Variants in CLASP2 observed in about 807,000 individuals in gnomAD.
CLASP2 encodes cytoplasmic linker associated protein 2.
In CLASP2, 47 loss-of-function variants were observed where a neutral mutation model predicts 194.4. The observed-to-expected ratio is 0.24, with a 90% CI of 0.19 to 0.31. The LOEUF is 0.31. CLASP2 is among the 10% of genes least tolerant of loss of function. The pLI is 1.00. For synonymous variants in CLASP2, 619 were observed against 633.5 expected (o/e 0.98, Z 0.34); for missense variants, 1,445 against 1,823.6 (o/e 0.79, Z 3.78).
At chr3:33,624,271 T>C (rs2077605779) in intron 10 of CLASP2, among the ~76,000 whole-genome samples, 1 of 151,982 alleles carries the variant, frequency 6.6e-6, no homozygotes, top group Non-Finnish European at 1.5e-5. Flanking sequence ...TGCATAAAGA[T>C]GTAAATGTAA....
intron 18 of CLASP2, among the ~76,000 whole-genome samples, chr3:33,600,687 A>G (rs2071840409): frequency 1.3e-5 from 2 of 152,202 alleles, no homozygotes; most frequent in Non-Finnish European, 2.9e-5. Context: ...ATTACTACAT[A>G]CTATTTGGTA....
chr3:33,678,315 C>T (rs2154341810), intron 6 of CLASP2, among the ~76,000 whole-genome samples: 1 of 152,124 alleles, frequency 6.6e-6, no homozygotes. Context: ...TACACTTACA[C>T]ATATCATATT....
chr3:33,643,237 ATAT>A (rs1222604785), intron 8 of CLASP2, among the ~76,000 whole-genome samples: 19 of 152,054 alleles, frequency 1.2e-4, no homozygotes, highest in African/African-American at 4.6e-4. Flanking sequence ...AAAATGTTAT[ATAT>A]TATCACCACA....
chr3:33,537,902 GA>G (rs1270053821), intron 33 of CLASP2, among the ~76,000 whole-genome samples: 1 of 152,150 alleles, frequency 6.6e-6, no homozygotes, highest in Non-Finnish European at 1.5e-5. Flanking sequence ...AGCACTTTGG[GA>G]GGCCGAGGTG....
At chr3:33,602,159 A>G (rs1204359596) in intron 18 of CLASP2, among the ~76,000 whole-genome samples, 1 of 151,958 alleles carries the variant, frequency 6.6e-6, no homozygotes, top group East Asian at 1.9e-4. Context: ...GATTACAGGC[A>G]TGAGCCACCA....
chr3:33,672,158 C>G (rs887878334), intron 6 of CLASP2, among the ~76,000 whole-genome samples: 1 of 152,192 alleles, frequency 6.6e-6, no homozygotes, highest in Non-Finnish European at 1.5e-5. Flanking sequence ...GGTCCCTGAC[C>G]CCTGACCCAT....
chr3:33,701,934 A>T (rs1221546788), intron 1 of CLASP2, among the ~76,000 whole-genome samples: 1 of 152,184 alleles, frequency 6.6e-6, no homozygotes, highest in Non-Finnish European at 1.5e-5. Context: ...ACATGAAAAG[A>T]AACATAAAAG....
At chr3:33,507,992 A>AAT (rs1235546373) in intron 37 of CLASP2, among the ~76,000 whole-genome samples, 30 of 149,550 alleles carry the variant, frequency 2.0e-4, no homozygotes, top group South Asian at 6.3e-4. Context: ...GTATATATAT[A>AAT]ATATATATAT....
intron 1 of CLASP2, among the ~76,000 whole-genome samples, chr3:33,714,275 A>T (rs1330412233): frequency 6.6e-6 from 1 of 152,248 alleles, no homozygotes; most frequent in East Asian, 1.9e-4. Context: ...GACTGTTCTT[A>T]GTAAAAGTCA....
intron 30 of CLASP2, among the ~76,000 whole-genome samples, chr3:33,549,118 T>C (rs2059610215): frequency 3.9e-5 from 6 of 152,126 alleles, no homozygotes; most frequent in Admixed American, 3.9e-4. Flanking sequence ...AATTTGAATG[T>C]TTTCTCTTTT....
At chr3:33,663,624 C>A (rs12629079) in intron 6 of CLASP2, 109 bp from the exon 7 acceptor site, 1 of 710,058 alleles carries the variant, frequency 1.4e-6, no homozygotes, top group Non-Finnish European at 2.4e-6. Context: ...AGGGATTCAG[C>A]TAGTTTTCTA....
chr3:33,618,851 G>C (rs1039224303), intron 12 of CLASP2, among the ~76,000 whole-genome samples: 5 of 152,116 alleles, frequency 3.3e-5, no homozygotes, highest in Non-Finnish European at 7.4e-5. Flanking sequence ...TGTTCTTTCA[G>C]ACTTCCTCAA....
In CLASP2 at chr3:33,684,398, A is replaced by T. The variant is rs1351565596; in HGVS notation, c.605T>A (p.Val202Glu). ...VEIYRHVGEK[V>E]RMDLYKRGIP... The stretch of plus-strand genomic sequence containing the variant: ...TCCTCTCTTATAAAGATCCATCCTC[A>T]CTTTTTCTCCCACATGTCTATAAAT... The change falls in exon 6 of 39, where the codon GTG becomes GAG. Residue 202 changes from valine (V) to glutamate (E), a missense_variant. Val to Glu is a moderately radical substitution (Grantham distance 121). Transcript: ENST00000682230. The T allele has an allele frequency of 2.3e-5, 37 of 1,605,942 alleles. No homozygotes were observed. Among genetic ancestry groups the T allele is most frequent in the Non-Finnish European group, 2.7e-5 (32 of 1,175,822 alleles).
At chr3:33,644,593 T>C (rs1471646196) in intron 8 of CLASP2, 164 bp downstream of exon 8, 4 of 726,708 alleles carry the variant, frequency 5.5e-6, no homozygotes, top group Non-Finnish European at 9.6e-6. Flanking sequence ...CAATATTTTA[T>C]ACATTTCAAA....
intron 6 of CLASP2, among the ~76,000 whole-genome samples, chr3:33,665,348 CA>C (rs1314476429): frequency 1.3e-5 from 2 of 150,754 alleles, no homozygotes; most frequent in Non-Finnish European, 3.0e-5. Flanking sequence ...AAATAGTAGG[CA>C]AATATAATAC....
At chr3:33,519,500 G>A (rs2052364082) in intron 34 of CLASP2, among the ~76,000 whole-genome samples, 1 of 152,060 alleles carries the variant, frequency 6.6e-6, no homozygotes, top group Non-Finnish European at 1.5e-5. Context: ...AAAAAAGGAG[G>A]AGAAAGTGCA....
intron 31 of CLASP2, among the ~76,000 whole-genome samples, chr3:33,543,934 T>C (rs1331588525): frequency 1.3e-5 from 2 of 152,214 alleles, no homozygotes; most frequent in East Asian, 3.9e-4. Flanking sequence ...TTAATATGTC[T>C]ATTCTTAAGA....
chr3:33,645,257 C>T (rs2154310645), intron 7 of CLASP2: 1 of 765,268 alleles, frequency 1.3e-6, no homozygotes, highest in African/African-American at 1.7e-5. Context: ...TGCCTTATTC[C>T]TTATACCCAG....
At chr3:33,680,123 T>G (rs1158719707) in intron 6 of CLASP2, among the ~76,000 whole-genome samples, 3 of 152,100 alleles carry the variant, frequency 2.0e-5, no homozygotes, top group Non-Finnish European at 2.9e-5. Context: ...AGAAGACAAT[T>G]TGAAAAAGCT....
Sources: gnomAD v4.1 joint callset for allele counts (sites outside exome capture counted in the v4.1 genomes callset) on GRCh38, gnomAD v4.1.1 for gene constraint, MANE v1.5 for transcripts, NCBI Gene and HGNC (gene_info 2026-07-23, HGNC 2026-07-21) for gene names.